The following MDGA2 variants were observed in gnomAD, a reference collection of about 807,000 sequenced individuals.
MDGA2 encodes MAM domain containing glycosylphosphatidylinositol anchor 2.
In MDGA2, 40 loss-of-function variants were observed where a neutral mutation model predicts 117.8. That is an observed-to-expected ratio of 0.34 (90% CI 0.26 to 0.44). MDGA2 has a LOEUF of 0.44. Ranked by LOEUF, MDGA2 falls within the 20% of genes least tolerant of loss-of-function variation. The pLI, the probability that MDGA2 is intolerant of heterozygous loss-of-function variation, is 1.00. For missense variants in MDGA2, 1,123 were observed against 1,250.6 expected (o/e 0.90, Z 1.54); for synonymous variants, 452 against 439.0 (o/e 1.03, Z -0.37).
At chr14:47,636,965 CTG>C (rs1466767532) in intron 1 of MDGA2, among the ~76,000 whole-genome samples, 1 of 150,354 alleles carries the variant, frequency 6.7e-6, no homozygotes, top group Non-Finnish European at 1.5e-5. Flanking sequence ...GAGCGAGACT[CTG>C]TCTCAAAAAA....
At chr14:47,494,946 C>CAT (rs1480961933) in intron 1 of MDGA2, among the ~76,000 whole-genome samples, 6 of 150,400 alleles carry the variant, frequency 4.0e-5, no homozygotes, top group Non-Finnish European at 5.9e-5. Context: ...TATACACACA[C>CAT]ATATATATAC....
intron 2 of MDGA2, among the ~76,000 whole-genome samples, chr14:47,300,049 G>GC (rs2139807991): frequency 6.6e-6 from 1 of 152,084 alleles, no homozygotes; most frequent in Admixed American, 6.5e-5. Flanking sequence ...ATTCTGTGAT[G>GC]CTTTATATGC....
At chr14:47,585,184 T>C (rs774459526) in intron 1 of MDGA2, among the ~76,000 whole-genome samples, 2 of 151,890 alleles carry the variant, frequency 1.3e-5, no homozygotes, top group Non-Finnish European at 2.9e-5. Flanking sequence ...TGAAAATATA[T>C]TGAGTGACTA....
chr14:47,402,493 T>C (rs1055025514), intron 1 of MDGA2, among the ~76,000 whole-genome samples: 2 of 152,144 alleles, frequency 1.3e-5, no homozygotes, highest in African/African-American at 2.4e-5. Context: ...TACATTATCC[T>C]TCCAATGAAA....
intron 1 of MDGA2, among the ~76,000 whole-genome samples, chr14:47,558,393 T>C (rs1895728360): frequency 1.3e-5 from 2 of 152,306 alleles, no homozygotes; most frequent in Non-Finnish European, 2.9e-5. Context: ...ATATTTTCAA[T>C]ATAAAAGTAA....
chr14:47,311,928 T>G (rs1402869248), intron 1 of MDGA2, among the ~76,000 whole-genome samples: 1 of 152,054 alleles, frequency 6.6e-6, no homozygotes, highest in Admixed American at 6.6e-5. Flanking sequence ...CTTTGGGGAT[T>G]TGGGGAGCAA....
chr14:47,157,699 T>C (rs1883454319), intron 3 of MDGA2, among the ~76,000 whole-genome samples: 1 of 149,914 alleles, frequency 6.7e-6, no homozygotes. Flanking sequence ...GTTCCCATAA[T>C]CCCCATGTGT....
intron 2 of MDGA2, among the ~76,000 whole-genome samples, chr14:47,267,755 G>A (rs1351332533): frequency 1.3e-5 from 2 of 151,782 alleles, no homozygotes; most frequent in East Asian, 3.9e-4. Context: ...TTTGCTTTGT[G>A]TTATTTGTAC....
At chr14:46,888,952 A>G (rs1481001520) in intron 10 of MDGA2, among the ~76,000 whole-genome samples, 1 of 152,006 alleles carries the variant, frequency 6.6e-6, no homozygotes, top group Non-Finnish European at 1.5e-5. Context: ...AGCTGACATT[A>G]AAAATCCAGG....
At chr14:47,225,924 C>G (rs1378181134) in intron 2 of MDGA2, among the ~76,000 whole-genome samples, 2 of 152,058 alleles carry the variant, frequency 1.3e-5, no homozygotes, top group Non-Finnish European at 2.9e-5. Flanking sequence ...ACCACCACTA[C>G]TACTACTAAG....
intron 1 of MDGA2, among the ~76,000 whole-genome samples, chr14:47,656,008 C>T (rs1405035317): frequency 6.6e-6 from 1 of 152,170 alleles, no homozygotes; most frequent in African/African-American, 2.4e-5. Context: ...TTCAGCAAGC[C>T]TGTGCCATTT....
Position 47,472,551 on chromosome 14 carries a change from C to T in MDGA2, c.281-171001G>A, listed in dbSNP as rs546957398. 1.2e-4 allele frequency among the ~76,000 whole-genome samples: 18 copies of T among 152,214 alleles called. 1 individual carries two copies. The highest frequency in any genetic ancestry group is 8.5e-4 in the Admixed American group (13 of 15,270). On this transcript the variant is annotated intron_variant, in intron 1 of 16. Coordinates refer to ENST00000399232, the MANE Select transcript of MDGA2 (RefSeq NM_001113498.3). ...CACAAGCAGACCTTGTCTGCTTCCA[C>T]GACAAGGTAATGTAGGTTTAGTTAA...
chr14:46,886,722 A>G (rs1265154187), intron 10 of MDGA2, among the ~76,000 whole-genome samples: 1 of 151,992 alleles, frequency 6.6e-6, no homozygotes, highest in East Asian at 1.9e-4. Flanking sequence ...GAGAGAAGGA[A>G]TTCTGAATTT....
At chr14:47,070,844 G>A (rs1240005288) in intron 6 of MDGA2, among the ~76,000 whole-genome samples, 6 of 152,192 alleles carry the variant, frequency 3.9e-5, no homozygotes, top group Admixed American at 6.5e-5. Context: ...CTGACCTCAG[G>A]TGATCCGCCT....
At chr14:47,354,625 G>A (rs1484616595) in intron 1 of MDGA2, among the ~76,000 whole-genome samples, 7 of 152,040 alleles carry the variant, frequency 4.6e-5, no homozygotes, top group South Asian at 4.1e-4. Flanking sequence ...ACCTCTCTTC[G>A]GGGAGGCACT....
At chr14:46,860,869 T>C (rs1881480129) in intron 14 of MDGA2, among the ~76,000 whole-genome samples, 1 of 151,978 alleles carries the variant, frequency 6.6e-6, no homozygotes, top group Admixed American at 6.6e-5. Context: ...CTGTACACAT[T>C]TTACTTTCAC....
intron 4 of MDGA2, among the ~76,000 whole-genome samples, chr14:47,134,028 A>G (rs1882335535): frequency 6.6e-6 from 1 of 152,112 alleles, no homozygotes; most frequent in Admixed American, 6.6e-5. Flanking sequence ...TTTAAGGTAT[A>G]CAACTGTGCT....
chr14:46,977,876 A>C (rs1270668155), intron 8 of MDGA2, among the ~76,000 whole-genome samples: 1 of 151,834 alleles, frequency 6.6e-6, no homozygotes, highest in Non-Finnish European at 1.5e-5. Context: ...GTGAAGGCTC[A>C]TCTTAGGCCA....
chr14:47,329,743 AC>A (rs751405180), intron 1 of MDGA2, among the ~76,000 whole-genome samples: 3 of 152,084 alleles, frequency 2.0e-5, no homozygotes, highest in Non-Finnish European at 4.4e-5. Flanking sequence ...GTTAATATAT[AC>A]AATTTGACAC....
Sources: allele counts gnomAD v4.1 joint callset (sites outside exome capture counted in the v4.1 genomes callset), GRCh38; gene constraint gnomAD v4.1.1; transcripts MANE v1.5; gene names NCBI Gene and HGNC (gene_info 2026-07-23, HGNC 2026-07-21).